Variants in C1orf94 observed in about 807,000 individuals in gnomAD.
The protein encoded by C1orf94 is chromosome 1 open reading frame 94.
A neutral mutation model predicts 53.6 loss-of-function variants in C1orf94; 45 were observed. The observed-to-expected ratio is 0.84, with a 90% confidence interval of 0.66 to 1.08. The LOEUF (loss-of-function observed/expected upper bound fraction) is 1.08. C1orf94 is among the 50% of genes least tolerant of loss of function. C1orf94 has a pLI of 0.00. For missense variants in C1orf94, 762 were observed against 738.9 expected, an observed-to-expected ratio of 1.03 and a Z score of -0.36; for synonymous variants, 304 against 296.1, an observed-to-expected ratio of 1.03 and a Z score of -0.27.
intron 1 of C1orf94, among the ~76,000 whole-genome samples, chr1:34,186,376 A>G (rs541736622): frequency 5.9e-5 from 9 of 152,382 alleles, no homozygotes; most frequent in African/African-American, 1.7e-4. Flanking sequence ...GATGTTCATC[A>G]TCATCATCAC....
Position 34,178,199 on chromosome 1 carries a change from G to A in C1orf94, c.320+90G>A, listed in dbSNP as rs1340766695. On this transcript the variant is annotated intron_variant, in intron 1 of 6. Transcript: ENST00000488417. Reference sequence around the variant, plus strand: ...GGGAATGTTCTGGCCCACTGTTGAGGCTGGTGAAACCCTAAAGGCTGTATA... The same window carrying A: ...GGGAATGTTCTGGCCCACTGTTGAGACTGGTGAAACCCTAAAGGCTGTATA... 25 of 1,368,238 alleles carry A rather than the reference G, an allele frequency of 1.8e-5. 2 individuals carry two copies. The South Asian group carries it at 3.0e-4, about 17-fold the overall frequency. 84.8% of individuals were successfully genotyped at this position (1,368,238 alleles called of 1,614,324 possible). A position where few individuals can be genotyped will look rare whatever the true frequency, so the allele number is the denominator to read the frequency against.
chr1:34,169,197 TG>T (rs1237377389), intron 1 of C1orf94, among the ~76,000 whole-genome samples: 9 of 152,016 alleles, frequency 5.9e-5, no homozygotes, highest in Non-Finnish European at 1.3e-4. Context: ...CCAGGAAACA[TG>T]GGGGCAAAGG....
At chr1:34,217,617 A>G (rs1377024538) in intron 6 of C1orf94, among the ~76,000 whole-genome samples, 2 of 152,178 alleles carry the variant, frequency 1.3e-5, no homozygotes, top group African/African-American at 4.8e-5. Context: ...CACTTATTTT[A>G]GTGAGAAGCT....
rs983048738 is a variant in C1orf94, at chr1:34,197,602, A to G, written c.698A>G (p.Asn233Ser). ...AGGGGCCGCATCCTAGGTGACTCCA[A>G]CTTGCAAGTCAGCAAGCTTCTGTCC... ...EDRGRILGDS[N>S]LQVSKLLSQF... Residue 233 changes from asparagine (N) to serine (S), a missense_variant, in exon 2 of 7, where the codon AAC becomes AGC. By Grantham distance (46) the Asn-to-Ser change is conservative (BLOSUM62 1). Transcript: ENST00000488417. This position sits in a 1 kb window ranked among gnomAD's most constrained non-coding sequence, Gnocchi z 4.1. The G allele has an allele frequency of 4.3e-6, 7 of 1,614,188 alleles. No homozygotes were observed. The highest frequency in any genetic ancestry group is 5.9e-6 in the Non-Finnish European group (7 of 1,180,014).
intron 1 of C1orf94, among the ~76,000 whole-genome samples, chr1:34,168,853 G>A (rs1642093217): frequency 6.6e-6 from 1 of 152,196 alleles, no homozygotes; most frequent in Non-Finnish European, 1.5e-5. Context: ...GTCACATCCT[G>A]AAGTACTAGG....
intron 1 of C1orf94, among the ~76,000 whole-genome samples, chr1:34,191,596 C>T (rs994473925): frequency 1.3e-5 from 2 of 152,150 alleles, no homozygotes; most frequent in Admixed American, 1.3e-4. Context: ...CTGTGCCTGA[C>T]CCCAGAGCCC....
chr1:34,172,957 C>T (rs573695222), upstream of C1orf94, among the ~76,000 whole-genome samples: 3 of 152,268 alleles, frequency 2.0e-5, no homozygotes, highest in African/African-American at 4.8e-5. Flanking sequence ...AATGGGGGTC[C>T]CTCTGGGTTT....
upstream of C1orf94, among the ~76,000 whole-genome samples, chr1:34,173,492 G>C (rs1199191538): frequency 6.6e-6 from 1 of 152,130 alleles, no homozygotes; most frequent in Admixed American, 6.5e-5. Flanking sequence ...ATGAGAAGAG[G>C]CTTTGACTGG....
chr1:34,196,720 T>C (rs1642591687), intron 1 of C1orf94, among the ~76,000 whole-genome samples: 1 of 152,108 alleles, frequency 6.6e-6, no homozygotes, highest in South Asian at 2.1e-4. Context: ...GGTGTAAGCT[T>C]AGGCTGTCCA....
chr1:34,193,558 C>G (rs1393127641), intron 1 of C1orf94, among the ~76,000 whole-genome samples: 4 of 152,176 alleles, frequency 2.6e-5, no homozygotes, highest in Non-Finnish European at 4.4e-5. Context: ...AAAGGAAGCC[C>G]AGGCTGGGGG....
At chr1:34,187,684 CTG>C (rs1475027477) in intron 1 of C1orf94, among the ~76,000 whole-genome samples, 4 of 151,362 alleles carry the variant, frequency 2.6e-5, no homozygotes, top group African/African-American at 9.7e-5. Flanking sequence ...AAGCATCACT[CTG>C]TAGCTCCCAG....
At chr1:34,216,562 G>A (rs1030397249) in intron 6 of C1orf94, among the ~76,000 whole-genome samples, 1 of 152,070 alleles carries the variant, frequency 6.6e-6, no homozygotes, top group African/African-American at 2.4e-5. Context: ...TAAGCAGAGA[G>A]TTCAGCATGG....
intron 6 of C1orf94, among the ~76,000 whole-genome samples, chr1:34,213,701 C>T (rs911469178): frequency 6.6e-6 from 1 of 151,904 alleles, no homozygotes; most frequent in African/African-American, 2.4e-5. Context: ...CCACCACACC[C>T]AGCTAATTTT....
Position 34,218,918 on chromosome 1 carries a change from C to T in C1orf94, c.*157C>T, listed in dbSNP as rs1038857292. ...GACCAGATTCATCTATTGGCCAACA[C>T]TGACACAAAAATAGCCCTCCTCACA... On this transcript the variant is annotated 3_prime_UTR_variant, in exon 7 of 7. Coordinates refer to ENST00000488417, the MANE Select transcript of C1orf94 (RefSeq NM_001134734.2). The T allele has an allele frequency of 4.1e-6, 2 of 491,454 alleles. No homozygotes were observed. Among genetic ancestry groups the T allele is most frequent in the Non-Finnish European group, 3.5e-6 (1 of 284,644 alleles). The allele number at this position is 491,454 out of a possible 1,614,324, so 30.4% of individuals were successfully genotyped here.
chr1:34,173,523 C>T (rs919242715), upstream of C1orf94, among the ~76,000 whole-genome samples: 1 of 152,092 alleles, frequency 6.6e-6, no homozygotes, highest in South Asian at 2.1e-4. Context: ...AGGAGAATTG[C>T]CTCCTCCTTA....
intron 1 of C1orf94, among the ~76,000 whole-genome samples, chr1:34,188,411 A>G (rs1642421097): frequency 6.6e-6 from 1 of 152,252 alleles, no homozygotes; most frequent in Non-Finnish European, 1.5e-5. Flanking sequence ...TTAGATGAAC[A>G]TAAAGTCCAG....
Position 34,219,064 on chromosome 1 carries a change from A to T in C1orf94, c.*303A>T, listed in dbSNP as rs1643041124. 1 of 220,220 alleles carries T rather than the reference A, an allele frequency of 4.5e-6. No homozygotes were observed. The highest frequency in any genetic ancestry group is 8.9e-6 in the Non-Finnish European group (1 of 112,798). 13.6% of individuals were successfully genotyped at this position (220,220 alleles called of 1,614,324 possible). A position where few individuals can be genotyped will look rare whatever the true frequency, so the allele number is the denominator to read the frequency against. Reference sequence around the variant, plus strand: ...GATTTTTGTTTTTGTTTTTGTTGGTAAAATAGAAGTAAGACACTTAATTTT... The same window carrying T: ...GATTTTTGTTTTTGTTTTTGTTGGTTAAATAGAAGTAAGACACTTAATTTT... On this transcript the variant is annotated 3_prime_UTR_variant, in exon 7 of 7. Coordinates refer to ENST00000488417, the MANE Select transcript of C1orf94 (RefSeq NM_001134734.2).
At chr1:34,195,581 C>G (rs543017710) in intron 1 of C1orf94, among the ~76,000 whole-genome samples, 1 of 152,172 alleles carries the variant, frequency 6.6e-6, no homozygotes, top group Non-Finnish European at 1.5e-5. Flanking sequence ...CCCAGGGTCC[C>G]CAAGCACCCT....
At chr1:34,212,719 G>A (rs1642916609) in intron 6 of C1orf94, among the ~76,000 whole-genome samples, 1 of 152,190 alleles carries the variant, frequency 6.6e-6, no homozygotes, top group Non-Finnish European at 1.5e-5. Context: ...CGATGCATTT[G>A]CCTTTACCCA....
Sources: allele counts gnomAD v4.1 joint callset (sites outside exome capture counted in the v4.1 genomes callset), GRCh38; gene constraint gnomAD v4.1.1; non-coding constraint Gnocchi (gnomAD v3.1); transcripts MANE v1.5; gene names NCBI Gene and HGNC (gene_info 2026-07-23, HGNC 2026-07-21).